Variants in ZNF536 observed in about 807,000 individuals in gnomAD.
ZNF536 encodes the protein zinc finger protein 536.
A neutral mutation model predicts 84.5 loss-of-function variants in ZNF536; 13 were observed. That is an observed-to-expected ratio of 0.15 (90% CI 0.10 to 0.24). The LOEUF (loss-of-function observed/expected upper bound fraction) is 0.24. Ranked by LOEUF, ZNF536 falls within the 10% of genes least tolerant of loss-of-function variation. The probability of loss-of-function intolerance (pLI) is 1.00; values close to 1 mark genes in which losing one functional copy is unlikely to be tolerated. For missense variants in ZNF536, 1,536 were observed against 1,747.5 expected (o/e 0.88, Z 2.16); for synonymous variants, 811 against 742.5 (o/e 1.09, Z -1.50).
chr19:30,668,798 C>T lies in ZNF536; in HGVS notation c.170-41959C>T, dbSNP rs563842247. ...TTTGTTGCTGTGATCACAGGAGCTC[C>T]CAACTCATTCCACCTTCTCTAAGCC... On this transcript the variant is annotated intron_variant, in intron 1 of 1. Transcript: ENST00000592773. Among the ~76,000 whole-genome samples, 16 of 152,308 alleles carry T rather than the reference C, an allele frequency of 1.1e-4. No homozygotes were observed. In the South Asian group the frequency reaches 3.3e-3, roughly 32 times the overall value.
intron 1 of ZNF536, among the ~76,000 whole-genome samples, chr19:30,599,856 A>G (rs2047620457): frequency 6.6e-6 from 1 of 152,142 alleles, no homozygotes; most frequent in South Asian, 2.1e-4. Context: ...CAGGATTTTC[A>G]TCTTTTGATT....
intron 1 of ZNF536, among the ~76,000 whole-genome samples, chr19:30,635,247 C>T (rs1411198631): frequency 6.6e-6 from 1 of 152,294 alleles, no homozygotes; most frequent in South Asian, 2.1e-4. Context: ...AGGCATATGG[C>T]GTGGATTGGA....
At chr19:30,406,743 C>T (rs978922548) in intron 1 of ZNF536, among the ~76,000 whole-genome samples, 2 of 152,166 alleles carry the variant, frequency 1.3e-5, no homozygotes, top group South Asian at 4.1e-4. Context: ...TGTGTGACAG[C>T]CTCCAGTGAA....
At chr19:30,529,138 C>G (rs970482732) in intron 2 of ZNF536, among the ~76,000 whole-genome samples, 2 of 152,070 alleles carry the variant, frequency 1.3e-5, no homozygotes, top group Non-Finnish European at 2.9e-5. Flanking sequence ...TGGAAAACAA[C>G]GCTATTTTAT....
At chr19:30,660,302 C>A (rs527750167) in intron 1 of ZNF536, among the ~76,000 whole-genome samples, 1 of 152,272 alleles carries the variant, frequency 6.6e-6, no homozygotes, top group African/African-American at 2.4e-5. Context: ...GAGCACACAC[C>A]TTTCCGAGAG....
At chr19:30,459,309 T>C (rs2053022320) in intron 2 of ZNF536, among the ~76,000 whole-genome samples, 2 of 151,598 alleles carry the variant, frequency 1.3e-5, no homozygotes, top group Non-Finnish European at 2.9e-5. Flanking sequence ...TTTCTTTCTT[T>C]TCCTTTCCTT....
At chr19:30,711,637 T>C (rs2052457234) in exon 2 of ZNF536, 1 of 152,178 alleles carries the variant, frequency 6.6e-6, no homozygotes, top group African/African-American at 2.4e-5. Flanking sequence ...TGCGCATTTT[T>C]ACAAAATACA....
intron 2 of ZNF536, among the ~76,000 whole-genome samples, chr19:30,461,510 C>A (rs1326032846): frequency 6.6e-6 from 1 of 152,162 alleles, no homozygotes; most frequent in Non-Finnish European, 1.5e-5. Context: ...TGATGGGACC[C>A]CCCTGAGCCC....
At chr19:30,471,297 C>A (rs1049275479) in intron 2 of ZNF536, among the ~76,000 whole-genome samples, 2 of 152,126 alleles carry the variant, frequency 1.3e-5, no homozygotes, top group Non-Finnish European at 2.9e-5. Flanking sequence ...CAGGTTTCTA[C>A]GCAGGAAAGC....
chr19:30,530,833 A>C (rs2044780138), intron 2 of ZNF536, among the ~76,000 whole-genome samples: 1 of 152,228 alleles, frequency 6.6e-6, no homozygotes, highest in South Asian at 2.1e-4. Context: ...TAGAGAAGGA[A>C]TCCAAGAGCA....
At chr19:30,345,111 G>A (rs775695612) in intron 2 of ZNF536, among the ~76,000 whole-genome samples, 5 of 152,124 alleles carry the variant, frequency 3.3e-5, no homozygotes, top group Non-Finnish European at 5.9e-5. Flanking sequence ...AGTTTAATTC[G>A]TTCTTGCAAC....
chr19:30,494,777 C>G (rs2054647287), intron 2 of ZNF536, among the ~76,000 whole-genome samples: 1 of 152,010 alleles, frequency 6.6e-6, no homozygotes, highest in Non-Finnish European at 1.5e-5. Context: ...GAAAACCCAT[C>G]TCTACTAAAA....
intron 2 of ZNF536, among the ~76,000 whole-genome samples, chr19:30,478,297 G>A (rs933106345): frequency 1.3e-5 from 2 of 152,160 alleles, no homozygotes; most frequent in Non-Finnish European, 2.9e-5. Flanking sequence ...AAGGTTGGGA[G>A]GGTCTTACGA....
At chr19:30,635,482 CCTT>C (rs1222690272) in intron 1 of ZNF536, among the ~76,000 whole-genome samples, 2 of 152,192 alleles carry the variant, frequency 1.3e-5, no homozygotes, top group African/African-American at 4.8e-5. Flanking sequence ...CCAGGGCTGT[CCTT>C]CTTGCAAGGC....
chr19:30,319,452 T>C (rs571237544), intron 2 of ZNF536, among the ~76,000 whole-genome samples: 1 of 152,310 alleles, frequency 6.6e-6, no homozygotes, highest in East Asian at 1.9e-4. Flanking sequence ...TTTCACAATG[T>C]GAGGATGATT....
intron 3 of ZNF536, among the ~76,000 whole-genome samples, chr19:30,365,324 TCCCCTCC>T (rs2048392464): frequency 6.6e-6 from 1 of 152,104 alleles, no homozygotes; most frequent in Non-Finnish European, 1.5e-5. Flanking sequence ...ACTTTCCTTC[TCCCCTCC>T]CCTCTCTGTT....
At chr19:30,536,128 A>T (rs1417431660) in intron 3 of ZNF536, among the ~76,000 whole-genome samples, 1 of 151,556 alleles carries the variant, frequency 6.6e-6, no homozygotes, top group Non-Finnish European at 1.5e-5. Flanking sequence ...AGGTCCCACC[A>T]CTCTCCCAAA....
intron 2 of ZNF536, among the ~76,000 whole-genome samples, chr19:30,301,876 G>A (rs1372627031): frequency 6.6e-6 from 1 of 151,762 alleles, no homozygotes; most frequent in Non-Finnish European, 1.5e-5. Flanking sequence ...ACCAGGCTGG[G>A]TGCAGAGAGG....
chr19:30,235,656 A>G (rs2023436191), intron 1 of ZNF536, among the ~76,000 whole-genome samples: 2 of 152,214 alleles, frequency 1.3e-5, no homozygotes, highest in Non-Finnish European at 2.9e-5. Flanking sequence ...AGTAGCTTAC[A>G]CAATTTTTGT....
Sources: gnomAD v4.1 joint callset for allele counts (sites outside exome capture counted in the v4.1 genomes callset) on GRCh38, gnomAD v4.1.1 for gene constraint, MANE v1.5 for transcripts, NCBI Gene and HGNC (gene_info 2026-07-23, HGNC 2026-07-21) for gene names.